The following ADAM2 variants were observed in gnomAD, a reference collection of about 807,000 sequenced individuals.
The protein encoded by ADAM2 is disintegrin and metalloproteinase domain-containing protein 2.
Under a neutral mutation model 99.3 loss-of-function variants are expected in ADAM2, and 101 were observed. The observed-to-expected ratio is 1.02, with a 90% CI of 0.87 to 1.20. ADAM2 has a LOEUF of 1.20. Ranked by LOEUF, ADAM2 falls within the 50% of genes most tolerant of loss-of-function variation. ADAM2 has a pLI of 0.00. For missense variants in ADAM2, 948 were observed against 878.7 expected (o/e 1.08, Z -1.00); for synonymous variants, 323 against 287.6 (o/e 1.12, Z -1.25).
At chr8:39,824,786 T>C (rs1403544708) in intron 4 of ADAM2, 33 bp downstream of exon 4, 2 of 1,168,514 alleles carry the variant, frequency 1.7e-6, no homozygotes, top group Admixed American at 1.9e-5. Context: ...GACACTCACA[T>C]GACAAAAATA....
intron 3 of ADAM2, among the ~76,000 whole-genome samples, chr8:39,832,372 G>A (rs1014879754): frequency 5.3e-5 from 8 of 152,138 alleles, no homozygotes; most frequent in Admixed American, 1.3e-4. Context: ...GACTGACAGG[G>A]CTTGACATAG....
chr8:39,811,719 A>G (rs1324188240), intron 6 of ADAM2, among the ~76,000 whole-genome samples: 1 of 152,212 alleles, frequency 6.6e-6, no homozygotes, highest in Non-Finnish European at 1.5e-5. Context: ...CTTCGACAAA[A>G]TTCAACAGCG....
chr8:39,795,591 G>A (rs1342989686), intron 7 of ADAM2, among the ~76,000 whole-genome samples: 1 of 152,068 alleles, frequency 6.6e-6, no homozygotes, highest in Non-Finnish European at 1.5e-5. Flanking sequence ...CTTCCAGACT[G>A]AACCAATGTA....
At position 39,821,568 on chromosome 8, in the gene ADAM2, A is replaced by G. The variant is rs1313012186; in HGVS notation, c.344+18T>C. 1 of 1,527,026 alleles carries G rather than the reference A, an allele frequency of 6.5e-7. No individual in the cohort carries two copies. The highest frequency in any genetic ancestry group is 1.1e-5 in the South Asian group (1 of 87,238). The allele number at this position is 1,527,026 out of a possible 1,614,324, so 94.6% of individuals were successfully genotyped here. ...GTAAATATTTTATTTTGTAATTCAT[A>G]AAACAGTAAATTACAACCTGAGTCC... On this transcript the variant is annotated intron_variant, in intron 5 of 20. Coordinates refer to ENST00000265708, the MANE Select transcript of ADAM2 (RefSeq NM_001464.5).
intron 14 of ADAM2, 126 bp from the exon 15 acceptor site, chr8:39,761,407 T>C: frequency 2.0e-6 from 1 of 489,352 alleles, no homozygotes; most frequent in Non-Finnish European, 3.5e-6. Flanking sequence ...TACTATAACA[T>C]TCAAAATAAA....
intron 12 of ADAM2, among the ~76,000 whole-genome samples, chr8:39,768,441 C>G (rs947869851): frequency 2.0e-5 from 3 of 152,084 alleles, no homozygotes. Flanking sequence ...ATTTCATTCC[C>G]TTTATCTCTG....
At chr8:39,807,666 G>A (rs1389562145) in intron 7 of ADAM2, among the ~76,000 whole-genome samples, 1 of 152,090 alleles carries the variant, frequency 6.6e-6, no homozygotes, top group Non-Finnish European at 1.5e-5. Context: ...TAGGAAGACA[G>A]CCCTCACCAG....
Position 39,783,950 on chromosome 8 carries a change from GA to G in ADAM2, c.891+3023del, listed in dbSNP as rs201001327. On this transcript the variant is annotated intron_variant, in intron 10 of 20. Coordinates refer to ENST00000265708, the MANE Select transcript of ADAM2 (RefSeq NM_001464.5). ...ACAGAGCGAGACTCTGTCTCGAAAA[GA>G]AAAAAAAAAAATTAAGTGAAAAATC... Among the ~76,000 whole-genome samples, 158 of 144,300 alleles carry G rather than the reference GA, an allele frequency of 1.1e-3. 2 individuals carry two copies. The highest frequency in any genetic ancestry group is 1.9e-3 in the Admixed American group (28 of 14,442). 94.7% of individuals were successfully genotyped at this position (144,300 alleles called of 152,430 possible). A position where few individuals can be genotyped will look rare whatever the true frequency, so the allele number is the denominator to read the frequency against.
At chr8:39,749,492 G>T (rs545127362) in intron 17 of ADAM2, 42 bp from the exon 18 acceptor site, 2 of 1,576,350 alleles carry the variant, frequency 1.3e-6, no homozygotes, top group South Asian at 2.2e-5. Flanking sequence ...TAAGCAACTA[G>T]ATTTATATAT....
chr8:39,823,529 G>GTTT (rs1007943834), intron 4 of ADAM2, among the ~76,000 whole-genome samples: 1 of 143,284 alleles, frequency 7.0e-6, no homozygotes, highest in South Asian at 2.2e-4. Flanking sequence ...ATTCTTGCTT[G>GTTT]TTTTTTTTTT....
chr8:39,746,839 G>A (rs1231801977), intron 18 of ADAM2, among the ~76,000 whole-genome samples: 1 of 152,116 alleles, frequency 6.6e-6, no homozygotes, highest in Non-Finnish European at 1.5e-5. Flanking sequence ...GCTATATATG[G>A]TGGGCTGATA....
rs779025966 is a variant in ADAM2 at position 39,821,168 on chromosome 8, C to G, written c.347G>C (p.Gly116Ala). The change falls in exon 6 of 21, where the codon GGC (glycine) becomes GCC (alanine). Residue 116 changes from glycine to alanine, a missense_variant and splice_region_variant. Coordinates refer to ENST00000265708, the MANE Select transcript of ADAM2 (RefSeq NM_001464.5). ...ACTAACATTTTCAAACTGTAGTACG[C>G]CCCTAAAAATTTCAAAAAAAAATTA... ...VMVSTCTGLR[G>A]VLQFENVSYG... 1 of 1,560,308 alleles carries G rather than the reference C, an allele frequency of 6.4e-7. No individual in the cohort carries two copies. The highest frequency in any genetic ancestry group is 8.6e-7 in the Non-Finnish European group (1 of 1,159,178).
chr8:39,749,522 A>G (rs1216792128), intron 17 of ADAM2, 72 bp from the exon 18 acceptor site: 19 of 1,539,920 alleles, frequency 1.2e-5, no homozygotes, highest in Middle Eastern at 1.7e-4. Context: ...GAATTATAAA[A>G]TAATATGTAG....
At chr8:39,785,487 C>T (rs893843545) in intron 10 of ADAM2, among the ~76,000 whole-genome samples, 11 of 152,290 alleles carry the variant, frequency 7.2e-5, no homozygotes, top group African/African-American at 2.6e-4. Flanking sequence ...AACAGAACTA[C>T]CATTCAATCC....
In ADAM2 at chr8:39,764,456, C is replaced by T. The variant is rs534640233; in HGVS notation, c.1507+2392G>A. 9.9e-4 allele frequency among the ~76,000 whole-genome samples: 150 copies of T among 152,274 alleles called. 1 individual carries two copies. Among genetic ancestry groups the T allele is most frequent in the African/African-American group, 3.5e-3 (145 of 41,580 alleles). On this transcript the variant is annotated intron_variant, in intron 14 of 20. Coordinates refer to ENST00000265708, the MANE Select transcript of ADAM2 (RefSeq NM_001464.5). The stretch of plus-strand genomic sequence containing the variant: ...GAGTCCTGTTTTATTGCAGTAAAAA[C>T]TTAAAAGCTGAGGACCTGGCACCGC...
intron 7 of ADAM2, among the ~76,000 whole-genome samples, chr8:39,796,862 A>C (rs1803981189): frequency 6.6e-6 from 1 of 152,120 alleles, no homozygotes; most frequent in Non-Finnish European, 1.5e-5. Context: ...GTGTCTGTTC[A>C]TATCCTTTGC....
Position 39,790,377 on chromosome 8 carries a change from T to C in ADAM2, c.571-1637A>G, listed in dbSNP as rs144267292. Among the ~76,000 whole-genome samples the C allele has an allele frequency of 8.5e-5, 13 of 152,082 alleles. 1 individual carries two copies. Among genetic ancestry groups the C allele is most frequent in the African/African-American group, 3.1e-4 (13 of 41,550 alleles). Reference sequence around the variant, plus strand: ...CGCAGTACTAATCCATGCCATAACATGTATAAACCTGAAAATCACTACGGT... The same window carrying C: ...CGCAGTACTAATCCATGCCATAACACGTATAAACCTGAAAATCACTACGGT... On this transcript the variant is annotated intron_variant, in intron 7 of 20. Coordinates refer to ENST00000265708, the MANE Select transcript of ADAM2 (RefSeq NM_001464.5).
At position 39,788,666 on chromosome 8, in the gene ADAM2, T is replaced by TAA; in HGVS notation, c.642+2_642+3insTT. The TAA allele has an allele frequency of 6.4e-7, 1 of 1,572,974 alleles. No individual in the cohort carries two copies. Among genetic ancestry groups the TAA allele is most frequent in the Non-Finnish European group, 8.7e-7 (1 of 1,155,270 alleles). ...GCAAAAGTACTAAGAAGCAAAGACTTACAGCATTCGTCAATCCAATCAACT... is the reference window on the plus strand; with the variant it reads ...GCAAAAGTACTAAGAAGCAAAGACTTAAACAGCATTCGTCAATCCAATCAACT... On this transcript the variant is annotated splice_region_variant and intron_variant, in intron 8 of 20. Coordinates refer to ENST00000265708, the MANE Select transcript of ADAM2 (RefSeq NM_001464.5).
At chr8:39,775,060 C>T (rs1009575827) in intron 11 of ADAM2, among the ~76,000 whole-genome samples, 3 of 152,044 alleles carry the variant, frequency 2.0e-5, no homozygotes, top group Admixed American at 1.3e-4. Flanking sequence ...ATAATGACTT[C>T]TTTCTGCGGG....
Sources: allele counts gnomAD v4.1 joint callset (sites outside exome capture counted in the v4.1 genomes callset), GRCh38; gene constraint gnomAD v4.1.1; transcripts MANE v1.5; gene names NCBI Gene and HGNC (gene_info 2026-07-23, HGNC 2026-07-21).